The following NCOA1 variants were observed in gnomAD, a reference collection of about 807,000 sequenced individuals.
NCOA1 encodes the protein nuclear receptor coactivator 1, also known as Hin-2 protein.
A neutral mutation model predicts 150.9 loss-of-function variants in NCOA1; 35 were observed. That is an observed-to-expected ratio of 0.23 (90% confidence interval 0.18 to 0.31). NCOA1 has a LOEUF of 0.31. Among genes scored for constraint, NCOA1 ranks in the 10% least tolerant of loss-of-function variants. The pLI is 1.00. For missense variants in NCOA1, 1,491 were observed against 1,749.3 expected (o/e 0.85, Z 2.63); for synonymous variants, 590 against 630.0 (o/e 0.94, Z 0.95).
At chr2:24,495,302 A>G (rs1374862875) in intron 1 of NCOA1, among the ~76,000 whole-genome samples, 1 of 152,150 alleles carries the variant, frequency 6.6e-6, no homozygotes, top group African/African-American at 2.4e-5. Context: ...TTCTTCCCCC[A>G]TAACCCCATC....
At chr2:24,668,340 T>A (rs766058837) in intron 6 of NCOA1, among the ~76,000 whole-genome samples, 1 of 152,094 alleles carries the variant, frequency 6.6e-6, no homozygotes, top group Non-Finnish European at 1.5e-5. Flanking sequence ...CCCAGCACAG[T>A]TGTTGTAAAA....
intron 1 of NCOA1, among the ~76,000 whole-genome samples, chr2:24,506,632 A>G (rs1306309174): frequency 2.0e-5 from 3 of 152,250 alleles, no homozygotes; most frequent in Admixed American, 2.0e-4. Flanking sequence ...CTTAATTATC[A>G]TAAGAGAATA....
Position 24,622,320 on chromosome 2 carries a change from A to G in NCOA1, c.-174-21646A>G, listed in dbSNP as rs149979276. On this transcript the variant is annotated intron_variant, in intron 3 of 22. Transcript: ENST00000348332. ...TTTGTTGTGGGGACTGTACTTATGC[A>G]TTGTAAGATGTTCAGCAGCATCTGA... 4.7e-4 allele frequency among the ~76,000 whole-genome samples: 72 copies of G among 152,258 alleles called. 1 individual carries two copies. In the East Asian group the frequency reaches 0.013, roughly 27 times the overall value.
At chr2:24,525,609 C>T (rs1240458139) in intron 1 of NCOA1, among the ~76,000 whole-genome samples, 4 of 150,762 alleles carry the variant, frequency 2.7e-5, no homozygotes, top group African/African-American at 7.3e-5. Context: ...GGCAGTGGCG[C>T]GATTTTGGCT....
intron 3 of NCOA1, among the ~76,000 whole-genome samples, chr2:24,608,471 G>A (rs1026981809): frequency 1.3e-5 from 2 of 151,180 alleles, no homozygotes; most frequent in Non-Finnish European, 2.9e-5. Flanking sequence ...GTTTCACCCT[G>A]TTAGCCAGCA....
rs138062081 is a variant in NCOA1, at chr2:24,751,309, G to A, written c.3707-673G>A. 3.3e-3 allele frequency among the ~76,000 whole-genome samples: 495 copies of A among 151,006 alleles called. 3 individuals are homozygous for A. Among genetic ancestry groups the A allele is most frequent in the African/African-American group, 0.011 (465 of 41,274 alleles). ...ACTATTATTTAATTTACAGCCGGGC[G>A]CGGTGGCTCACACCTGTAATCCCAG... On this transcript the variant is annotated intron_variant, in intron 19 of 22. Coordinates refer to ENST00000348332, the MANE Select transcript of NCOA1 (RefSeq NM_003743.5).
intron 1 of NCOA1, among the ~76,000 whole-genome samples, chr2:24,539,153 G>A (rs1665287144): frequency 1.1e-5 from 1 of 88,590 alleles, no homozygotes; most frequent in Admixed American, 9.5e-5. Flanking sequence ...TTAAGAGATG[G>A]GGGTCTCACA....
intron 3 of NCOA1, among the ~76,000 whole-genome samples, chr2:24,628,038 G>A (rs763008866): frequency 2.8e-4 from 42 of 152,098 alleles, no homozygotes; most frequent in African/African-American, 8.9e-4. Flanking sequence ...GGTGGCTCAC[G>A]CCTGTAATCC....
At chr2:24,589,689 G>C (rs1163323131) in intron 3 of NCOA1, among the ~76,000 whole-genome samples, 2 of 151,828 alleles carry the variant, frequency 1.3e-5, no homozygotes, top group African/African-American at 4.8e-5. Flanking sequence ...GTGTTTGTGC[G>C]CACACGCGCC....
At position 24,546,657 on chromosome 2, in the gene NCOA1, A is replaced by G. The variant is rs940882665; in HGVS notation, c.-395-17638A>G. 3.3e-5 allele frequency among the ~76,000 whole-genome samples: 5 copies of G among 152,158 alleles called. No homozygotes were observed. The East Asian group carries it at 5.8e-4, about 18-fold the overall frequency. On this transcript the variant is annotated intron_variant, in intron 1 of 22. Transcript: ENST00000348332. ...CACGAGCTTGATAGTATCTTTTTCA[A>G]TTGTCTACAGCAGTGATTTATAATT...
rs13388575 is a variant in NCOA1 at position 24,709,596 on chromosome 2, G to A, written c.2419-1335G>A. Among the ~76,000 whole-genome samples the A allele has an allele frequency of 2.6e-3, 398 of 152,154 alleles. 2 individuals are homozygous for A. Among genetic ancestry groups the A allele is most frequent in the African/African-American group, 9.3e-3 (388 of 41,532 alleles). On this transcript the variant is annotated intron_variant, in intron 13 of 22. Coordinates refer to ENST00000348332, the MANE Select transcript of NCOA1 (RefSeq NM_003743.5). ...TTTGCAGACATCTTTTTAGTGCTAA[G>A]GCTTACCTTTTCTTTCTCTTACTGG...
rs1467687434 is a variant in NCOA1, at chr2:24,735,302, A to G, written c.3202-4130A>G. Among the ~76,000 whole-genome samples the G allele has an allele frequency of 3.4e-4, 52 of 152,198 alleles. 1 individual carries two copies. The highest frequency in any genetic ancestry group is 2.4e-4 in the Non-Finnish European group (16 of 68,038). On this transcript the variant is annotated intron_variant, in intron 17 of 22. Transcript: ENST00000348332. ...ACACCCAGTTTGTAATCTGCTATTC[A>G]TAATATATTTACCTCATTGGATTGA...
At chr2:24,712,928 GAT>G (rs1673824692) in intron 14 of NCOA1, among the ~76,000 whole-genome samples, 1 of 152,068 alleles carries the variant, frequency 6.6e-6, no homozygotes, top group Admixed American at 6.5e-5. Context: ...GGCCAGTAAT[GAT>G]TAAGAATTAC....
intron 14 of NCOA1, 41 bp from the exon 15 acceptor site, chr2:24,726,548 C>G (rs1674632539): frequency 2.4e-6 from 3 of 1,253,682 alleles, no homozygotes; most frequent in Non-Finnish European, 2.3e-6. Context: ...ATTTTATCCT[C>G]CACTGAGATA....
chr2:24,635,875 A>T (rs80156079), intron 3 of NCOA1, among the ~76,000 whole-genome samples: 5,469 of 152,260 alleles, frequency 0.036, 129 homozygotes, highest in East Asian at 0.11. Context: ...TAAGTCAAGG[A>T]AAGAAAAAAA....
intron 5 of NCOA1, among the ~76,000 whole-genome samples, chr2:24,664,756 C>T (rs560298535): frequency 6.6e-6 from 1 of 152,060 alleles, no homozygotes; most frequent in African/African-American, 2.4e-5. Flanking sequence ...TAATTGTTGC[C>T]AATTATGAGC....
At chr2:24,522,279 C>T (rs1478051546) in intron 1 of NCOA1, among the ~76,000 whole-genome samples, 1 of 152,066 alleles carries the variant, frequency 6.6e-6, no homozygotes. Flanking sequence ...AACACTACAC[C>T]ACTTCATCTA....
intron 1 of NCOA1, among the ~76,000 whole-genome samples, chr2:24,516,485 C>T (rs1281602295): frequency 6.6e-6 from 1 of 151,290 alleles, no homozygotes; most frequent in Non-Finnish European, 1.5e-5. Flanking sequence ...AGCCACCGTG[C>T]CCGGCCCGCC....
intron 22 of NCOA1, among the ~76,000 whole-genome samples, chr2:24,764,272 C>G (rs1664939064): frequency 6.6e-6 from 1 of 152,130 alleles, no homozygotes; most frequent in African/African-American, 2.4e-5. Flanking sequence ...CCACACTGTT[C>G]CTGCCATACC....
Sources: gnomAD v4.1 joint callset for allele counts (sites outside exome capture counted in the v4.1 genomes callset) on GRCh38, gnomAD v4.1.1 for gene constraint, MANE v1.5 for transcripts, NCBI Gene and HGNC (gene_info 2026-07-23, HGNC 2026-07-21) for gene names.